IMMP2L: variants seen among roughly 807,000 people sequenced by gnomAD.
The protein encoded by IMMP2L is inner mitochondrial membrane peptidase subunit 2.
IMMP2L carries 18 observed loss-of-function variants against 19.3 expected under a neutral mutation model. That is an observed-to-expected ratio of 0.93 (90% CI 0.64 to 1.38). The LOEUF (loss-of-function observed/expected upper bound fraction) is 1.38, where lower values mean the gene tolerates loss of function less well. Ranked by LOEUF, IMMP2L falls within the 40% of genes most tolerant of loss-of-function variation. The pLI, the probability that IMMP2L is intolerant of heterozygous loss-of-function variation, is 0.00. For missense variants in IMMP2L, 233 were observed against 218.2 expected (o/e 1.07, Z -0.43); for synonymous variants, 76 against 73.0 (o/e 1.04, Z -0.21).
intron 3 of IMMP2L, among the ~76,000 whole-genome samples, chr7:110,975,984 C>G (rs187130836): frequency 3.9e-4 from 59 of 151,846 alleles, no homozygotes; most frequent in Non-Finnish European, 7.5e-4. Flanking sequence ...TTTTTTTTAA[C>G]GTATGGGCAC....
At chr7:111,043,875 A>T (rs899928428) in intron 3 of IMMP2L, among the ~76,000 whole-genome samples, 3 of 152,242 alleles carry the variant, frequency 2.0e-5, no homozygotes. Context: ...TTGACCTTCA[A>T]ATACAAGAGA....
intron 3 of IMMP2L, among the ~76,000 whole-genome samples, chr7:111,180,035 G>T (rs1586712012): frequency 6.6e-6 from 1 of 152,084 alleles, no homozygotes; most frequent in East Asian, 1.9e-4. Flanking sequence ...GTTGGGGCTG[G>T]TTTGATCTAT....
chr7:111,330,575 T>A (rs1825779450), intron 3 of IMMP2L, among the ~76,000 whole-genome samples: 1 of 151,040 alleles, frequency 6.6e-6, no homozygotes, highest in Non-Finnish European at 1.5e-5. Flanking sequence ...ACATTCAAGA[T>A]AAAGGAAAAA....
rs772455245 is a variant in IMMP2L, at chr7:110,730,811, C to T, written c.409-67090G>A. Among the ~76,000 whole-genome samples, 5 of 152,118 alleles carry T rather than the reference C, an allele frequency of 3.3e-5. No individual in the cohort carries two copies. In the East Asian group the frequency reaches 9.7e-4, roughly 29 times the overall value. On this transcript the variant is annotated intron_variant, in intron 5 of 5. Transcript: ENST00000405709. ...AAGTGCTGGGATTACAGGCGTGAGCCGCCGCGCCCGGCCGGGACTGGCTTT... is the reference window on the plus strand; with the variant it reads ...AAGTGCTGGGATTACAGGCGTGAGCTGCCGCGCCCGGCCGGGACTGGCTTT...
intron 1 of IMMP2L, among the ~76,000 whole-genome samples, chr7:111,545,972 C>G (rs1359015814): frequency 1.3e-5 from 2 of 152,064 alleles, no homozygotes; most frequent in African/African-American, 4.8e-5. Context: ...TAAGTCTCCT[C>G]CAAAATAATC....
chr7:110,778,877 T>G (rs527713375), intron 5 of IMMP2L, among the ~76,000 whole-genome samples: 1 of 152,092 alleles, frequency 6.6e-6, no homozygotes, highest in Non-Finnish European at 1.5e-5. Context: ...CTGCCTATTT[T>G]GTGGTGCAAA....
chr7:110,899,133 G>A (rs1385180562), intron 4 of IMMP2L, among the ~76,000 whole-genome samples: 7 of 152,014 alleles, frequency 4.6e-5, no homozygotes, highest in East Asian at 1.9e-4. Context: ...AGTACAGAAC[G>A]ATACAGTATC....
chr7:111,446,490 G>A (rs1481460412), intron 3 of IMMP2L, among the ~76,000 whole-genome samples: 4 of 150,298 alleles, frequency 2.7e-5, no homozygotes, highest in East Asian at 1.9e-4. Context: ...ACCTGCAGCT[G>A]AGGGTCCTGT....
chr7:111,251,685 C>G (rs1816141308), intron 3 of IMMP2L, among the ~76,000 whole-genome samples: 1 of 151,968 alleles, frequency 6.6e-6, no homozygotes, highest in Admixed American at 6.6e-5. Context: ...TAAATGGGAG[C>G]TGAATGATGA....
At chr7:111,168,988 T>C (rs1434887648) in intron 3 of IMMP2L, among the ~76,000 whole-genome samples, 3 of 151,862 alleles carry the variant, frequency 2.0e-5, no homozygotes, top group Admixed American at 2.0e-4. Flanking sequence ...GTTATGAATA[T>C]TATAACTAAC....
chr7:110,963,894 G>C (rs540504582), intron 3 of IMMP2L, among the ~76,000 whole-genome samples: 23 of 151,918 alleles, frequency 1.5e-4, no homozygotes, highest in African/African-American at 5.5e-4. Flanking sequence ...ATATGGTTTG[G>C]CTCTGTGTCC....
At chr7:110,704,740 G>T (rs1794530525) in intron 5 of IMMP2L, among the ~76,000 whole-genome samples, 1 of 152,162 alleles carries the variant, frequency 6.6e-6, no homozygotes, top group African/African-American at 2.4e-5. Flanking sequence ...AAGACTATCA[G>T]GAAAAGTAAA....
At position 110,694,945 on chromosome 7, in the gene IMMP2L, T is replaced by C. The variant is rs370291178; in HGVS notation, c.409-31224A>G. Among the ~76,000 whole-genome samples, 46 of 150,758 alleles carry C rather than the reference T, an allele frequency of 3.1e-4. No homozygotes were observed. In the East Asian group the frequency reaches 5.3e-3, roughly 17 times the overall value. On this transcript the variant is annotated intron_variant, in intron 5 of 5. Transcript: ENST00000405709. The stretch of plus-strand genomic sequence containing the variant: ...TAAACCTTGAAAGCGTCGTGTTAAG[T>C]GAAAGAGCTGGACACAAAAGGTCAT...
intron 3 of IMMP2L, among the ~76,000 whole-genome samples, chr7:111,037,881 G>A (rs536746271): frequency 4.2e-4 from 64 of 152,234 alleles, no homozygotes; most frequent in Middle Eastern, 6.8e-3. Flanking sequence ...TCACATATCT[G>A]TTTGTAGATG....
At chr7:111,267,561 C>G (rs1156229424) in intron 3 of IMMP2L, among the ~76,000 whole-genome samples, 2 of 152,052 alleles carry the variant, frequency 1.3e-5, no homozygotes, top group African/African-American at 2.4e-5. Flanking sequence ...CCCTAAGAGG[C>G]CAGAAGCTCA....
At chr7:111,031,040 TC>T (rs1790756583) in intron 3 of IMMP2L, among the ~76,000 whole-genome samples, 1 of 151,408 alleles carries the variant, frequency 6.6e-6, no homozygotes, top group Non-Finnish European at 1.5e-5. Context: ...ATTAGAATCA[TC>T]CATATGGTGA....
intron 3 of IMMP2L, among the ~76,000 whole-genome samples, chr7:111,271,051 G>A (rs112702530): frequency 2.6e-5 from 4 of 152,230 alleles, no homozygotes; most frequent in African/African-American, 9.6e-5. Context: ...GCCATGGGAG[G>A]GACCCAATGG....
intron 5 of IMMP2L, among the ~76,000 whole-genome samples, chr7:110,881,056 T>C (rs895379849): frequency 6.6e-6 from 1 of 152,146 alleles, no homozygotes; most frequent in Admixed American, 6.6e-5. Flanking sequence ...AGCTCTCTTT[T>C]TAAAATCATA....
chr7:111,497,051 TATAAC>T (rs904075838), intron 2 of IMMP2L, among the ~76,000 whole-genome samples: 2 of 152,150 alleles, frequency 1.3e-5, no homozygotes, highest in Non-Finnish European at 2.9e-5. Context: ...AAAGTGAACA[TATAAC>T]ATATTGATTT....
Sources: allele counts gnomAD v4.1 joint callset (sites outside exome capture counted in the v4.1 genomes callset), GRCh38; gene constraint gnomAD v4.1.1; transcripts MANE v1.5; gene names NCBI Gene and HGNC (gene_info 2026-07-23, HGNC 2026-07-21).